KCNJ3: variants seen among roughly 807,000 people sequenced by gnomAD.
KCNJ3 encodes potassium inwardly rectifying channel subfamily J member 3, also known as G protein-activated inward rectifier potassium channel 1.
KCNJ3 carries 4 observed loss-of-function variants against 39.2 expected under a neutral mutation model. The observed-to-expected ratio is 0.10, with a 90% CI of 0.05 to 0.23. The LOEUF is 0.23. Among genes scored for constraint, KCNJ3 ranks in the 10% least tolerant of loss-of-function variants. The probability of loss-of-function intolerance (pLI) is 1.00; values close to 1 mark genes in which losing one functional copy is unlikely to be tolerated. For missense variants in KCNJ3, 276 were observed against 634.9 expected (o/e 0.43, Z 6.08); for synonymous variants, 230 against 237.4 (o/e 0.97, Z 0.29).
At chr2:154,842,058 G>C (rs1483142765) in intron 2 of KCNJ3, among the ~76,000 whole-genome samples, 1 of 152,000 alleles carries the variant, frequency 6.6e-6, no homozygotes, top group Non-Finnish European at 1.5e-5. Flanking sequence ...GATCTTTCCT[G>C]CTTTCTCTTG....
intron 2 of KCNJ3, among the ~76,000 whole-genome samples, chr2:154,806,714 C>A (rs1297202866): frequency 6.6e-6 from 1 of 152,174 alleles, no homozygotes; most frequent in Non-Finnish European, 1.5e-5. Context: ...CAACATGACT[C>A]CAATCAGCAG....
intron 2 of KCNJ3, among the ~76,000 whole-genome samples, chr2:154,715,204 T>C (rs1685161137): frequency 6.6e-6 from 1 of 152,198 alleles, no homozygotes; most frequent in Admixed American, 6.5e-5. Flanking sequence ...CAGAAATGGA[T>C]TTAGTACCTG....
intron 2 of KCNJ3, among the ~76,000 whole-genome samples, chr2:154,812,256 A>C (rs1455075369): frequency 6.6e-6 from 1 of 152,174 alleles, no homozygotes; most frequent in African/African-American, 2.4e-5. Context: ...GCTCAGATTT[A>C]TCTCTAAAAT....
chr2:154,732,760 A>G (rs756636632), intron 2 of KCNJ3, among the ~76,000 whole-genome samples: 22 of 152,162 alleles, frequency 1.4e-4, no homozygotes, highest in Admixed American at 3.3e-4. Context: ...GCCTATCAAA[A>G]TCCAATGTGT....
At chr2:154,782,491 T>C (rs777763700) in intron 2 of KCNJ3, among the ~76,000 whole-genome samples, 29 of 150,990 alleles carry the variant, frequency 1.9e-4, no homozygotes, top group Admixed American at 1.2e-3. Context: ...AGCATAATAA[T>C]ACCATACATA....
Position 154,698,726 on chromosome 2 carries a change from A to T in KCNJ3, c.-50A>T, listed in dbSNP as rs1412102047. On this transcript the variant is annotated 5_prime_UTR_variant, in exon 1 of 3. Coordinates refer to ENST00000295101, the MANE Select transcript of KCNJ3 (RefSeq NM_002239.4). ...TTATTGGTGCTAGTTTGCAGCGCCC[A>T]GCTCCTGCGCCTTCGCTTCGCGTTT... The T allele has an allele frequency of 1.4e-6, 1 of 724,094 alleles. No homozygotes were observed. The allele number at this position is 724,094 out of a possible 1,614,324, so 44.9% of individuals were successfully genotyped here.
intron 2 of KCNJ3, among the ~76,000 whole-genome samples, chr2:154,761,334 T>C (rs1686042648): frequency 6.6e-6 from 1 of 152,178 alleles, no homozygotes; most frequent in Non-Finnish European, 1.5e-5. Flanking sequence ...CAGTGATATG[T>C]ATATCTATGC....
At chr2:154,748,348 A>G (rs1388235914) in intron 2 of KCNJ3, among the ~76,000 whole-genome samples, 3 of 152,054 alleles carry the variant, frequency 2.0e-5, no homozygotes. Flanking sequence ...AAAACTTGCA[A>G]AAAAATAAAA....
intron 2 of KCNJ3, among the ~76,000 whole-genome samples, chr2:154,721,925 T>C (rs1395067028): frequency 2.6e-5 from 4 of 152,202 alleles, no homozygotes; most frequent in Non-Finnish European, 5.9e-5. Flanking sequence ...GTTTCAGTTA[T>C]TTAAATGCAT....
rs959294585 is a variant in KCNJ3 at position 154,815,635 on chromosome 2, G to A, written c.920-39092G>A. Among the ~76,000 whole-genome samples, 5 of 152,156 alleles carry A rather than the reference G, an allele frequency of 3.3e-5. No homozygotes were observed. In the East Asian group the frequency reaches 5.8e-4, roughly 18 times the overall value. On this transcript the variant is annotated intron_variant, in intron 2 of 2. Coordinates refer to ENST00000295101, the MANE Select transcript of KCNJ3 (RefSeq NM_002239.4). ...ATGAAGTGCTCATGCATTTTGACTC[G>A]TGAGAGAAATGCCCTTCCTGTCTTC...
At chr2:154,751,668 G>T (rs911828234) in intron 2 of KCNJ3, among the ~76,000 whole-genome samples, 2 of 152,026 alleles carry the variant, frequency 1.3e-5, no homozygotes, top group African/African-American at 2.4e-5. Flanking sequence ...ATAGTAGTTT[G>T]TTAGGGCTGT....
chr2:154,819,058 T>G (rs999466518), intron 2 of KCNJ3, among the ~76,000 whole-genome samples: 27 of 149,842 alleles, frequency 1.8e-4, no homozygotes, highest in African/African-American at 6.6e-4. Flanking sequence ...CCAGCTACTC[T>G]GAAAGCAGAG....
chr2:154,739,905 G>A (rs945761800), intron 2 of KCNJ3, among the ~76,000 whole-genome samples: 2 of 151,954 alleles, frequency 1.3e-5, no homozygotes, highest in Admixed American at 1.3e-4. Flanking sequence ...GTTCAGCAAC[G>A]AATATGGCAT....
chr2:154,842,887 A>G (rs1687599798), intron 2 of KCNJ3, among the ~76,000 whole-genome samples: 1 of 151,998 alleles, frequency 6.6e-6, no homozygotes, highest in Non-Finnish European at 1.5e-5. Context: ...TTGACTCTTT[A>G]TCCAACTTGC....
chr2:154,724,825 AT>A (rs1269400057), intron 2 of KCNJ3, among the ~76,000 whole-genome samples: 3 of 147,824 alleles, frequency 2.0e-5, no homozygotes, highest in Non-Finnish European at 4.5e-5. Flanking sequence ...TAAAATATAC[AT>A]TTATATTTAT....
At position 154,699,600 on chromosome 2, in the gene KCNJ3, C is replaced by CT. The variant is rs1443273763; in HGVS notation, c.702+127dup. ...CTACCTATAGCCACAGGTAAACTTC[C>CT]TTTTGGGGGGTTGGGGGTTGGAGGA... On this transcript the variant is annotated intron_variant, in intron 1 of 2. Coordinates refer to ENST00000295101, the MANE Select transcript of KCNJ3 (RefSeq NM_002239.4). The surrounding 1 kb of genome is among the most constrained non-coding windows in gnomAD (Gnocchi z 6.4). 5 of 1,422,306 alleles carry CT rather than the reference C, an allele frequency of 3.5e-6. No individual in the cohort carries two copies. In the African/African-American group the frequency reaches 7.2e-5, roughly 20 times the overall value. The allele number at this position is 1,422,306 out of a possible 1,614,324, so 88.1% of individuals were successfully genotyped here.
chr2:154,700,574 A>T (rs1234907622), intron 1 of KCNJ3, among the ~76,000 whole-genome samples: 1 of 152,240 alleles, frequency 6.6e-6, no homozygotes, highest in African/African-American at 2.4e-5. Flanking sequence ...TAGAGAACTG[A>T]AGCCAGAGTC....
intron 2 of KCNJ3, among the ~76,000 whole-genome samples, chr2:154,711,058 A>G (rs557349531): frequency 6.6e-5 from 10 of 152,232 alleles, no homozygotes; most frequent in Non-Finnish European, 1.5e-4. Context: ...CACTATTATT[A>G]TTACGATTTT....
At chr2:154,819,805 A>C (rs1687140964) in intron 2 of KCNJ3, among the ~76,000 whole-genome samples, 1 of 152,128 alleles carries the variant, frequency 6.6e-6, no homozygotes. Flanking sequence ...CTGGGATTAC[A>C]GGCAGGAGCC....
Sources: allele counts gnomAD v4.1 joint callset (sites outside exome capture counted in the v4.1 genomes callset), GRCh38; gene constraint gnomAD v4.1.1; non-coding constraint Gnocchi (gnomAD v3.1); transcripts MANE v1.5; gene names NCBI Gene and HGNC (gene_info 2026-07-23, HGNC 2026-07-21).